The following C11orf54 variants were observed in gnomAD, a reference collection of about 807,000 sequenced individuals.
C11orf54 encodes the protein beta-keto L-gulonate decarboxylase.
A neutral mutation model predicts 35.5 loss-of-function variants in C11orf54; 29 were observed. The ratio of observed to expected loss-of-function variants is 0.82; its 90% CI spans 0.61 to 1.11. The LOEUF is 1.11. Among genes scored for constraint, C11orf54 ranks in the 50% most tolerant of loss-of-function variants. The pLI, the probability that C11orf54 is intolerant of heterozygous loss-of-function variation, is 0.00. For missense variants in C11orf54, 373 were observed against 369.2 expected, an observed-to-expected ratio of 1.01 and a Z score of -0.08; for synonymous variants, 108 against 121.1, an observed-to-expected ratio of 0.89 and a Z score of 0.71.
At chr11:93,743,980 AAC>A (rs1397876191) in intron 1 of C11orf54, among the ~76,000 whole-genome samples, 1 of 152,104 alleles carries the variant, frequency 6.6e-6, no homozygotes, top group Non-Finnish European at 1.5e-5. Context: ...CCCCACCTCC[AAC>A]ACACACATAA....
chr11:93,757,012 C>T (rs745783840), intron 6 of C11orf54, among the ~76,000 whole-genome samples: 5 of 152,062 alleles, frequency 3.3e-5, no homozygotes, highest in Non-Finnish European at 5.9e-5. Context: ...TGCCTCGACA[C>T]GTATGTTAAG....
intron 3 of C11orf54, 131 bp from the exon 4 acceptor site, chr11:93,753,551 C>T (rs1263595756): frequency 2.7e-6 from 2 of 740,310 alleles, no homozygotes; most frequent in Non-Finnish European, 4.4e-6. Flanking sequence ...GCCACTATGT[C>T]TTCCAATCCC....
intron 3 of C11orf54, among the ~76,000 whole-genome samples, chr11:93,752,771 C>T (rs1254771236): frequency 3.7e-4 from 40 of 109,318 alleles, no homozygotes; most frequent in African/African-American, 1.4e-3. Flanking sequence ...TTTTTTGAGA[C>T]GGAGTCTCGC....
At chr11:93,743,054 A>T (rs148047730) in intron 1 of C11orf54, among the ~76,000 whole-genome samples, 1 of 150,790 alleles carries the variant, frequency 6.6e-6, no homozygotes, top group Non-Finnish European at 1.5e-5. Context: ...GCTGGAGTGC[A>T]GTGTGGCCCG....
At chr11:93,756,800 C>T (rs546210305) in intron 6 of C11orf54, among the ~76,000 whole-genome samples, 1 of 152,208 alleles carries the variant, frequency 6.6e-6, no homozygotes, top group East Asian at 1.9e-4. Flanking sequence ...TGAAGACTCT[C>T]CAGTTTTGGA....
chr11:93,755,141 G>GT, intron 5 of C11orf54, 69 bp from the exon 6 acceptor site: 1 of 1,444,094 alleles, frequency 6.9e-7, no homozygotes, highest in Non-Finnish European at 9.6e-7. Context: ...TAAATGTTTT[G>GT]TAACATTATT....
chr11:93,756,865 C>T (rs548223844), intron 6 of C11orf54, among the ~76,000 whole-genome samples: 17 of 152,148 alleles, frequency 1.1e-4, no homozygotes, highest in Non-Finnish European at 2.4e-4. Context: ...AGTGAAAATA[C>T]TTAACGTCCA....
At chr11:93,747,027 G>A (rs1565257524) in intron 1 of C11orf54, 1 of 157,464 alleles carries the variant, frequency 6.4e-6, no homozygotes, top group Non-Finnish European at 1.4e-5. Flanking sequence ...GCTCACACTT[G>A]TAATCCCAGC....
intron 1 of C11orf54, among the ~76,000 whole-genome samples, chr11:93,743,577 A>G (rs983040437): frequency 4.6e-5 from 7 of 152,108 alleles, no homozygotes; most frequent in African/African-American, 1.4e-4. Flanking sequence ...CAGATGCTGG[A>G]GCCGGAGCGA....
chr11:93,753,692 G>A lies in C11orf54; in HGVS notation c.165G>A (p.Gly55=). 1 of 1,613,736 alleles carries A rather than the reference G, an allele frequency of 6.2e-7. No individual in the cohort carries two copies. The highest frequency in any genetic ancestry group is 8.5e-7 in the Non-Finnish European group (1 of 1,179,920). ...PFTFPVKGIC[G]KTRIAEVGGV... The stretch of plus-strand genomic sequence containing the variant: ...TTGGTTTTTTCTTAGGCATCTGTGG[G>A]AAAACTAGAATTGCAGAAGTTGGAG... Residue 55 remains glycine (G), a synonymous_variant, in exon 4 of 9, where the codon GGG becomes GGA. Coordinates refer to ENST00000354421, the MANE Select transcript of C11orf54 (RefSeq NM_001286069.2).
intron 8 of C11orf54, among the ~76,000 whole-genome samples, chr11:93,760,727 C>T (rs767617463): frequency 1.3e-5 from 2 of 151,986 alleles, no homozygotes; most frequent in Non-Finnish European, 2.9e-5. Flanking sequence ...GATGCAATCT[C>T]GGCTCACTGC....
chr11:93,754,959 C>T (rs1943052799), intron 5 of C11orf54: 1 of 298,710 alleles, frequency 3.3e-6, no homozygotes, highest in Non-Finnish European at 6.4e-6. Context: ...GTCTTGATCT[C>T]TTCTCTTGAC....
In C11orf54 at chr11:93,761,789, G is replaced by A; in HGVS notation, c.*101G>A. The stretch of plus-strand genomic sequence containing the variant: ...AAAACCAATAGAAATGATCCCACAG[G>A]CCAGGCACAATGGCTCATGCCTATA... On this transcript the variant is annotated 3_prime_UTR_variant, in exon 9 of 9. Coordinates refer to ENST00000354421, the MANE Select transcript of C11orf54 (RefSeq NM_001286069.2). 8.4e-7 allele frequency: 1 copy of A among 1,184,602 alleles called. No individual in the cohort carries two copies. Among genetic ancestry groups the A allele is most frequent in the African/African-American group, 1.6e-5 (1 of 63,494 alleles). 73.4% of individuals were successfully genotyped at this position (1,184,602 alleles called of 1,614,324 possible). A position where few individuals can be genotyped will look rare whatever the true frequency, so the allele number is the denominator to read the frequency against.
Position 93,762,343 on chromosome 11 carries a change from T to C in C11orf54, c.*655T>C, listed in dbSNP as rs756211772. ...CAGTGTTTAGAAATGTTGATAGTTA[T>C]TGAATCTTTGAATTGAATTTTAAAA... On this transcript the variant is annotated 3_prime_UTR_variant, in exon 9 of 9. Coordinates refer to ENST00000354421, the MANE Select transcript of C11orf54 (RefSeq NM_001286069.2). 3 of 152,254 alleles carry C rather than the reference T, an allele frequency of 2.0e-5. No homozygotes were observed. The highest frequency in any genetic ancestry group is 1.3e-4 in the Admixed American group (2 of 15,284). The allele number at this position is 152,254 out of a possible 1,614,324, so 9.4% of individuals were successfully genotyped here.
chr11:93,754,676 A>G (rs1303322650), intron 5 of C11orf54, among the ~76,000 whole-genome samples: 2 of 152,090 alleles, frequency 1.3e-5, no homozygotes, highest in South Asian at 2.1e-4. Flanking sequence ...AAAATTTAAA[A>G]TAAGATATTT....
intron 8 of C11orf54, among the ~76,000 whole-genome samples, chr11:93,760,990 T>A (rs1943436081): frequency 6.6e-6 from 1 of 152,178 alleles, no homozygotes; most frequent in Non-Finnish European, 1.5e-5. Flanking sequence ...ATTACATGCC[T>A]AGGATATTAT....
intron 6 of C11orf54, 73 bp downstream of exon 6, chr11:93,755,459 A>G (rs1238253578): frequency 6.2e-5 from 93 of 1,502,912 alleles, no homozygotes; most frequent in East Asian, 1.4e-4. Flanking sequence ...TTTTACTGCC[A>G]TAAATATGGT....
At chr11:93,743,865 C>T (rs192939836) in intron 1 of C11orf54, among the ~76,000 whole-genome samples, 1 of 152,298 alleles carries the variant, frequency 6.6e-6, no homozygotes, top group African/African-American at 2.4e-5. Context: ...TCGACTCCCA[C>T]CAATTAGGCA....
chr11:93,749,504 CAAAAAAAAAAAAAA>C (rs10624807), intron 2 of C11orf54, among the ~76,000 whole-genome samples: 1 of 71,742 alleles, frequency 1.4e-5, no homozygotes, highest in African/African-American at 6.3e-5. Context: ...GACTCTGTCT[CAAAAAAAAAAAAAA>C]AAAAAAAAAC....
Sources: gnomAD v4.1 joint callset for allele counts (sites outside exome capture counted in the v4.1 genomes callset) on GRCh38, gnomAD v4.1.1 for gene constraint, MANE v1.5 for transcripts, NCBI Gene and HGNC (gene_info 2026-07-23, HGNC 2026-07-21) for gene names.